The following PKIB variants were observed in gnomAD, a reference collection of about 807,000 sequenced individuals.
PKIB encodes cAMP-dependent protein kinase inhibitor beta.
A neutral mutation model predicts 4.5 loss-of-function variants in PKIB; 2 were observed. That is an observed-to-expected ratio of 0.44 (90% CI 0.18 to 1.39). The LOEUF (loss-of-function observed/expected upper bound fraction) is 1.39. PKIB is among the 40% of genes most tolerant of loss of function. PKIB has a pLI of 0.27. For synonymous variants in PKIB, 38 were observed against 36.0 expected (o/e 1.06, Z -0.20); for missense variants, 94 against 92.6 (o/e 1.02, Z -0.06).
chr6:122,502,400 T>C (rs1291869841), intron 2 of PKIB, among the ~76,000 whole-genome samples: 1 of 151,926 alleles, frequency 6.6e-6, no homozygotes. Flanking sequence ...AGGGGTTTAA[T>C]TGACTCACAG....
chr6:122,527,991 T>G (rs1372350807), intron 2 of PKIB, among the ~76,000 whole-genome samples: 1 of 152,200 alleles, frequency 6.6e-6, no homozygotes, highest in African/African-American at 2.4e-5. Flanking sequence ...ACTACTATTT[T>G]GCTGTTATTT....
chr6:122,611,519 GAAA>G (rs1774754683), intron 1 of PKIB, among the ~76,000 whole-genome samples: 1 of 152,022 alleles, frequency 6.6e-6, no homozygotes, highest in Non-Finnish European at 1.5e-5. Flanking sequence ...CGTTCATCTA[GAAA>G]AAAAATTTTA....
At chr6:122,472,554 TA>T (rs1775334692) in intron 1 of PKIB, among the ~76,000 whole-genome samples, 1 of 152,172 alleles carries the variant, frequency 6.6e-6, no homozygotes, top group South Asian at 2.1e-4. Context: ...AAGTTCCAGT[TA>T]TTTTTTTAGA....
Position 122,717,824 on chromosome 6 carries a change from C to A in PKIB, c.30C>A (p.Asp10Glu), listed in dbSNP as rs780055354. 3.7e-5 allele frequency: 60 copies of A among 1,613,936 alleles called. No homozygotes were observed. The highest frequency in any genetic ancestry group is 1.6e-4 in the Middle Eastern group (1 of 6,084). ...GGACAGATTCATCAAAAATGACTGA[C>A]GTGGAGTCTGGGGTCGCCAATTTTG... MRTDSSKMT[D>E]VESGVANFAS... The change falls in exon 4 of 5, where the codon GAC (aspartate) becomes GAA (glutamate). Residue 10 changes from aspartate (D) to glutamate (E), a missense_variant. Transcript: ENST00000368452.
At chr6:122,650,203 A>T (rs1022497982) in intron 2 of PKIB, among the ~76,000 whole-genome samples, 2 of 152,118 alleles carry the variant, frequency 1.3e-5, no homozygotes, top group Admixed American at 6.5e-5. Flanking sequence ...ATACTACTAG[A>T]TCCCTGGGAA....
chr6:122,558,993 A>G (rs554536707), intron 2 of PKIB, among the ~76,000 whole-genome samples: 3 of 152,198 alleles, frequency 2.0e-5, no homozygotes, highest in Non-Finnish European at 4.4e-5. Flanking sequence ...CAGTGAGAAC[A>G]TATGATGTTT....
intron 3 of PKIB, among the ~76,000 whole-genome samples, chr6:122,710,995 A>G (rs1271044755): frequency 2.0e-5 from 3 of 152,146 alleles, no homozygotes; most frequent in Non-Finnish European, 4.4e-5. Context: ...AATTCTGAAT[A>G]CTCTGAAGCT....
intron 1 of PKIB, among the ~76,000 whole-genome samples, chr6:122,627,529 T>C (rs1775505740): frequency 6.6e-6 from 1 of 152,246 alleles, no homozygotes; most frequent in Non-Finnish European, 1.5e-5. Flanking sequence ...TAATTTGAAC[T>C]CATCATGTTC....
intron 2 of PKIB, among the ~76,000 whole-genome samples, chr6:122,509,956 GT>G (rs912737751): frequency 2.0e-5 from 3 of 150,002 alleles, no homozygotes; most frequent in Admixed American, 6.7e-5. Flanking sequence ...TTGGGTGTTA[GT>G]TTTTTTTTAC....
At chr6:122,499,715 T>C (rs373082623) in intron 2 of PKIB, among the ~76,000 whole-genome samples, 2 of 152,154 alleles carry the variant, frequency 1.3e-5, no homozygotes, top group East Asian at 1.9e-4. Context: ...GCCAGAGATA[T>C]GAGGGAAGAG....
chr6:122,549,403 T>G (rs1390237405), intron 2 of PKIB, among the ~76,000 whole-genome samples: 2 of 152,218 alleles, frequency 1.3e-5, no homozygotes, highest in Admixed American at 6.5e-5. Flanking sequence ...CAATTTATAC[T>G]GTATATCTAG....
intron 3 of PKIB, among the ~76,000 whole-genome samples, chr6:122,687,937 CT>C (rs1156646358): frequency 8.8e-5 from 13 of 148,188 alleles, no homozygotes; most frequent in South Asian, 2.1e-4. Context: ...TTTGGATGTC[CT>C]TTTTTTTTTA....
intron 2 of PKIB, among the ~76,000 whole-genome samples, chr6:122,503,291 A>C (rs1176103086): frequency 6.6e-6 from 1 of 152,220 alleles, no homozygotes; most frequent in African/African-American, 2.4e-5. Context: ...ATTCTTGTAG[A>C]GATTCAAAAG....
intron 3 of PKIB, among the ~76,000 whole-genome samples, chr6:122,701,742 T>C (rs1316858808): frequency 5.3e-5 from 8 of 152,188 alleles, no homozygotes; most frequent in Admixed American, 3.9e-4. Context: ...TTTTATTGCT[T>C]TCTATTCACC....
At chr6:122,562,521 G>C (rs1399146049) in intron 2 of PKIB, among the ~76,000 whole-genome samples, 1 of 152,192 alleles carries the variant, frequency 6.6e-6, no homozygotes, top group Admixed American at 6.5e-5. Flanking sequence ...GGCTGGAGAA[G>C]TCTTCCTCAA....
At chr6:122,612,696 G>A (rs1365055893) in intron 1 of PKIB, among the ~76,000 whole-genome samples, 1 of 152,022 alleles carries the variant, frequency 6.6e-6, no homozygotes, top group African/African-American at 2.4e-5. Context: ...TTTACTAGTG[G>A]ATGGATATTT....
intron 2 of PKIB, among the ~76,000 whole-genome samples, chr6:122,507,570 C>T (rs114598805): frequency 0.01 from 1,498 of 148,814 alleles, 20 homozygotes; most frequent in African/African-American, 0.035. Context: ...AGCTGGTGGG[C>T]TCATTTGATG....
At chr6:122,559,533 T>C (rs936654371) in intron 2 of PKIB, among the ~76,000 whole-genome samples, 1 of 151,688 alleles carries the variant, frequency 6.6e-6, no homozygotes, top group Non-Finnish European at 1.5e-5. Flanking sequence ...GGGCTCTTTT[T>C]TGTTCCCTAT....
At chr6:122,503,182 C>T (rs935782663) in intron 2 of PKIB, among the ~76,000 whole-genome samples, 1 of 152,154 alleles carries the variant, frequency 6.6e-6, no homozygotes, top group Non-Finnish European at 1.5e-5. Flanking sequence ...CTTCCAAATG[C>T]CATCACATTA....
Sources: allele counts gnomAD v4.1 joint callset (sites outside exome capture counted in the v4.1 genomes callset), GRCh38; gene constraint gnomAD v4.1.1; transcripts MANE v1.5; gene names NCBI Gene and HGNC (gene_info 2026-07-23, HGNC 2026-07-21).